Variants in MACROD2 observed in about 807,000 individuals in gnomAD.
MACROD2 encodes mono-ADP ribosylhydrolase 2, also known as ADP-ribose glycohydrolase MACROD2.
Under a neutral mutation model 70.4 loss-of-function variants are expected in MACROD2, and 36 were observed. That is an observed-to-expected ratio of 0.51 (90% CI 0.39 to 0.68). The LOEUF (loss-of-function observed/expected upper bound fraction) is 0.68, where lower values mean the gene tolerates loss of function less well. MACROD2 is among the 30% of genes least tolerant of loss of function. The probability of loss-of-function intolerance (pLI) is 0.00; values close to 1 mark genes in which losing one functional copy is unlikely to be tolerated. For missense variants in MACROD2, 496 were observed against 538.4 expected, an observed-to-expected ratio of 0.92 and a Z score of 0.78; for synonymous variants, 172 against 178.8, an observed-to-expected ratio of 0.96 and a Z score of 0.30.
intron 5 of MACROD2, among the ~76,000 whole-genome samples, chr20:15,172,592 TAG>T (rs2076431197): frequency 6.6e-6 from 1 of 152,182 alleles, no homozygotes; most frequent in South Asian, 2.1e-4. Context: ...TTTAATTTTG[TAG>T]AGATGGGATC....
chr20:14,975,989 C>T (rs2074736086), intron 5 of MACROD2, among the ~76,000 whole-genome samples: 1 of 152,222 alleles, frequency 6.6e-6, no homozygotes, highest in African/African-American at 2.4e-5. Flanking sequence ...CGTTAACACC[C>T]TCTGCAGAAG....
intron 8 of MACROD2, among the ~76,000 whole-genome samples, chr20:15,501,451 C>G (rs1390735699): frequency 1.3e-5 from 2 of 152,174 alleles, no homozygotes; most frequent in African/African-American, 4.8e-5. Context: ...ACAGGTACAT[C>G]TCATCAACAA....
At chr20:15,112,652 A>T (rs1568579827) in intron 5 of MACROD2, among the ~76,000 whole-genome samples, 1 of 152,168 alleles carries the variant, frequency 6.6e-6, no homozygotes, top group African/African-American at 2.4e-5. Flanking sequence ...GTATAACAAA[A>T]ATTTCCCATT....
intron 6 of MACROD2, among the ~76,000 whole-genome samples, chr20:15,416,889 C>T (rs1034537364): frequency 2.0e-5 from 3 of 148,428 alleles, no homozygotes; most frequent in East Asian, 2.0e-4. Flanking sequence ...GGCGACAGAG[C>T]GAGACTCCGT....
At chr20:14,194,961 C>T (rs913577282) in intron 3 of MACROD2, among the ~76,000 whole-genome samples, 7 of 151,936 alleles carry the variant, frequency 4.6e-5, no homozygotes, top group Non-Finnish European at 1.0e-4. Flanking sequence ...GTAATGAGAA[C>T]ATAAAAGTGA....
At chr20:14,185,462 A>G (rs1185022270) in intron 3 of MACROD2, among the ~76,000 whole-genome samples, 4 of 152,294 alleles carry the variant, frequency 2.6e-5, no homozygotes, top group Admixed American at 1.3e-4. Flanking sequence ...TAATTTAATT[A>G]TGGATATGAC....
At chr20:15,134,738 A>G (rs2080086677) in intron 5 of MACROD2, among the ~76,000 whole-genome samples, 2 of 152,180 alleles carry the variant, frequency 1.3e-5, no homozygotes, top group African/African-American at 4.8e-5. Context: ...TGAAGGAAAT[A>G]GAGACACAAA....
At chr20:15,565,979 T>C (rs904022385) in intron 8 of MACROD2, among the ~76,000 whole-genome samples, 10 of 152,112 alleles carry the variant, frequency 6.6e-5, no homozygotes, top group African/African-American at 2.4e-4. Context: ...ATTTGCCTTA[T>C]CTGTGAAATA....
intron 15 of MACROD2, among the ~76,000 whole-genome samples, chr20:16,021,503 C>A (rs980222611): frequency 6.6e-6 from 1 of 152,218 alleles, no homozygotes; most frequent in African/African-American, 2.4e-5. Flanking sequence ...AGGATCAAAA[C>A]CAGGCAAAGC....
chr20:15,466,301 G>C (rs746369894), intron 7 of MACROD2, among the ~76,000 whole-genome samples: 1 of 152,112 alleles, frequency 6.6e-6, no homozygotes, highest in Non-Finnish European at 1.5e-5. Context: ...TACAGATTAG[G>C]CAGGCTTCCA....
chr20:14,644,459 T>C (rs1293639632), intron 4 of MACROD2, among the ~76,000 whole-genome samples: 1 of 152,208 alleles, frequency 6.6e-6, no homozygotes. Flanking sequence ...AATGGTTTTA[T>C]AATTTAGCAT....
chr20:14,106,008 G>A (rs1467557797), intron 3 of MACROD2, among the ~76,000 whole-genome samples: 4 of 152,202 alleles, frequency 2.6e-5, no homozygotes, highest in Non-Finnish European at 1.5e-5. Flanking sequence ...GCTCTGAGAT[G>A]TGCTGGCTTT....
At chr20:15,605,118 G>A (rs191376772) in intron 8 of MACROD2, among the ~76,000 whole-genome samples, 7 of 152,138 alleles carry the variant, frequency 4.6e-5, no homozygotes, top group African/African-American at 7.2e-5. Flanking sequence ...CTAATATGTC[G>A]TTTCAGACCC....
chr20:15,359,188 AAAG>A (rs2078323573), intron 6 of MACROD2, among the ~76,000 whole-genome samples: 1 of 152,198 alleles, frequency 6.6e-6, no homozygotes, highest in Admixed American at 6.5e-5. Flanking sequence ...GAGTCTACAC[AAAG>A]AAGAAACTGC....
At chr20:15,195,695 A>G (rs1316664834) in intron 5 of MACROD2, among the ~76,000 whole-genome samples, 2 of 152,248 alleles carry the variant, frequency 1.3e-5, no homozygotes, top group African/African-American at 4.8e-5. Flanking sequence ...GATTAGATGC[A>G]GAAATACCAT....
chr20:15,815,617 T>A (rs1190440805), intron 8 of MACROD2, among the ~76,000 whole-genome samples: 1 of 152,202 alleles, frequency 6.6e-6, no homozygotes, highest in African/African-American at 2.4e-5. Flanking sequence ...TGAAATATTA[T>A]GACAGTTGTC....
intron 4 of MACROD2, among the ~76,000 whole-genome samples, chr20:14,528,467 C>T (rs1359740717): frequency 6.6e-6 from 1 of 151,986 alleles, no homozygotes; most frequent in South Asian, 2.1e-4. Context: ...AGTCTACACT[C>T]CTTAACATGG....
intron 3 of MACROD2, chr20:14,329,412 C>T (rs558170179): frequency 1.4e-4 from 22 of 152,158 alleles, no homozygotes; most frequent in Admixed American, 8.5e-4. Context: ...ATTTCAATGT[C>T]TTAAAATAAC....
intron 4 of MACROD2, among the ~76,000 whole-genome samples, chr20:14,617,990 C>T (rs1232237112): frequency 6.6e-6 from 1 of 152,046 alleles, no homozygotes; most frequent in African/African-American, 2.4e-5. Context: ...TCTTCTTTTG[C>T]GGAAAGAAGG....
Sources: allele counts gnomAD v4.1 joint callset (sites outside exome capture counted in the v4.1 genomes callset), GRCh38; gene constraint gnomAD v4.1.1; transcripts MANE v1.5; gene names NCBI Gene and HGNC (gene_info 2026-07-23, HGNC 2026-07-21).